Variants in LRP4 observed in about 807,000 individuals in gnomAD.
LRP4 encodes low-density lipoprotein receptor-related protein 4.
LRP4 carries 95 observed loss-of-function variants against 220.3 expected under a neutral mutation model. The observed-to-expected ratio is 0.43, with a 90% CI of 0.37 to 0.51. The LOEUF (loss-of-function observed/expected upper bound fraction) is 0.51. LRP4 is among the 20% of genes least tolerant of loss of function. The pLI, the probability that LRP4 is intolerant of heterozygous loss-of-function variation, is 0.00. For missense variants in LRP4, 1,925 were observed against 2,567.0 expected (o/e 0.75, Z 5.40); for synonymous variants, 903 against 954.6 (o/e 0.95, Z 1.00).
intron 19 of LRP4, 28 bp from the exon 20 acceptor site, chr11:46,881,931 T>G: frequency 6.2e-7 from 1 of 1,611,546 alleles, no homozygotes; most frequent in Non-Finnish European, 8.5e-7. Flanking sequence ...AAGGCAGGTC[T>G]TACAAGCTAG....
At chr11:46,863,198 CTG>C (rs1297082360) in intron 36 of LRP4, among the ~76,000 whole-genome samples, 2 of 152,170 alleles carry the variant, frequency 1.3e-5, no homozygotes, top group African/African-American at 2.4e-5. Flanking sequence ...TGAGATGAGA[CTG>C]TAACCCCAGC....
intron 1 of LRP4, among the ~76,000 whole-genome samples, chr11:46,912,117 G>C (rs987759524): frequency 1.3e-5 from 2 of 152,164 alleles, no homozygotes; most frequent in African/African-American, 4.8e-5. Context: ...GCCTCCCAAA[G>C]TGCTGGGATT....
intron 13 of LRP4, among the ~76,000 whole-genome samples, chr11:46,891,478 T>TAC (rs111770885): frequency 1.3e-5 from 2 of 148,786 alleles, no homozygotes; most frequent in Admixed American, 1.3e-4. Flanking sequence ...CACACACACA[T>TAC]ACACACACAC....
At chr11:46,871,854 T>C (rs1940874485) in intron 30 of LRP4, among the ~76,000 whole-genome samples, 1 of 152,016 alleles carries the variant, frequency 6.6e-6, no homozygotes, top group Non-Finnish European at 1.5e-5. Context: ...GCATAGAAAG[T>C]CTAGTGACCT....
chr11:46,884,341 C>T (rs1160059295), intron 18 of LRP4, among the ~76,000 whole-genome samples: 3 of 152,112 alleles, frequency 2.0e-5, no homozygotes, highest in African/African-American at 2.4e-5. Flanking sequence ...TGGTGGCTCA[C>T]GCCTGTAATC....
chr11:46,889,391 G>A lies in LRP4; in HGVS notation c.2215+20C>T. ...CCTCACAACAGCCTCCATGGAGGCT[G>A]GTGTTGCAGACCCACTTACTCTGGG... On this transcript the variant is annotated intron_variant, in intron 16 of 37. Coordinates refer to ENST00000378623, the MANE Select transcript of LRP4 (RefSeq NM_002334.4). The A allele has an allele frequency of 6.2e-7, 1 of 1,613,596 alleles. No individual in the cohort carries two copies. Among genetic ancestry groups the A allele is most frequent in the Non-Finnish European group, 8.5e-7 (1 of 1,179,994 alleles).
In LRP4 at chr11:46,868,100, G is replaced by C; in HGVS notation, c.4966C>G (p.Pro1656Ala). Residue 1656 changes from proline to alanine, a missense_variant, in exon 34 of 38, where the codon CCA (proline) becomes GCA (alanine). Pro to Ala is a conservative substitution (Grantham distance 27). Coordinates refer to ENST00000378623, the MANE Select transcript of LRP4 (RefSeq NM_002334.4). ...ATGCCAGTAGCCCTAGGAGCTGGTGGTACCAGGCCAGGCACTAGACAAAAA... is the reference window on the plus strand; with the variant it reads ...ATGCCAGTAGCCCTAGGAGCTGGTGCTACCAGGCCAGGCACTAGACAAAAA... ...RPCSLVPGLV[P>A]PAPRATGMSE... The C allele has an allele frequency of 6.2e-7, 1 of 1,614,110 alleles. No individual in the cohort carries two copies. The highest frequency in any genetic ancestry group is 8.5e-7 in the Non-Finnish European group (1 of 1,180,028).
chr11:46,899,143 G>C lies in LRP4; in HGVS notation c.548-111C>G, dbSNP rs1941610956. On this transcript the variant is annotated intron_variant, in intron 5 of 37. Transcript: ENST00000378623. This position sits in a 1 kb window ranked among gnomAD's most constrained non-coding sequence, Gnocchi z 5.9. ...CTCAGGCAGGAGAGCTTCTTCAAGTGAGATGTAACCAGGTTTCATCTGGGA... is the reference window on the plus strand; with the variant it reads ...CTCAGGCAGGAGAGCTTCTTCAAGTCAGATGTAACCAGGTTTCATCTGGGA... The C allele has an allele frequency of 9.1e-7, 1 of 1,101,890 alleles. No homozygotes were observed. Among genetic ancestry groups the C allele is most frequent in the African/African-American group, 1.5e-5 (1 of 65,120 alleles). 68.3% of individuals were successfully genotyped at this position (1,101,890 alleles called of 1,614,324 possible). A position where few individuals can be genotyped will look rare whatever the true frequency, so the allele number is the denominator to read the frequency against.
rs773515672 is a variant in LRP4 at position 46,894,595 on chromosome 11, T to A, written c.1534A>T (p.Ser512Cys). 9 of 1,603,822 alleles carry A rather than the reference T, an allele frequency of 5.6e-6. No individual in the cohort carries two copies. Among genetic ancestry groups the A allele is most frequent in the Non-Finnish European group, 7.7e-6 (9 of 1,174,898 alleles). The change falls in exon 12 of 38, where the codon AGC (serine) becomes TGC (cysteine). Residue 512 changes from serine to cysteine, a missense_variant. Coordinates refer to ENST00000378623, the MANE Select transcript of LRP4 (RefSeq NM_002334.4). ...VEEVVSTGLE[S>C]PGGLAVDWVH... is the part of the protein sequence containing the mutation. ...ATGGGGCCTTGTTCCCTACCTGGGC[T>A]CTCCAGCCCAGTAGACACAACCTCC...
rs760083959 is a variant in LRP4, at chr11:46,875,121, A to G, written c.3926-18T>C. ...GTTAAAACCTGGTGATGAGAAGCAC[A>G]AGTATTCACACCTAGCCTGGAACAT... On this transcript the variant is annotated intron_variant, in intron 27 of 37. Transcript: ENST00000378623. The surrounding 1 kb of genome is among the most constrained non-coding windows in gnomAD (Gnocchi z 4.5). 6.2e-7 allele frequency: 1 copy of G among 1,608,924 alleles called. No homozygotes were observed. Among genetic ancestry groups the G allele is most frequent in the East Asian group, 2.2e-5 (1 of 44,890 alleles).
chr11:46,894,591 G>A lies in LRP4; in HGVS notation c.1538C>T (p.Pro513Leu). The A allele has an allele frequency of 6.2e-7, 1 of 1,601,108 alleles. No individual in the cohort carries two copies. Among genetic ancestry groups the A allele is most frequent in the Non-Finnish European group, 8.5e-7 (1 of 1,173,364 alleles). ...CTCCATGGGGCCTTGTTCCCTACCT[G>A]GGCTCTCCAGCCCAGTAGACACAAC... The part of the protein sequence containing the change: ...EEVVSTGLES[P>L]GGLAVDWVHD... Residue 513 changes from proline (P) to leucine (L), a missense_variant and splice_region_variant, in exon 12 of 38, where the codon CCA becomes CTA. Physicochemically the swap from Pro to Leu is moderately conservative, Grantham distance 98 (BLOSUM62 -3). Around this residue, in one of 3 missense-constraint regions of LRP4, gnomAD observed 269 missense variants for 436.7 expected, o/e 0.62. Coordinates refer to ENST00000378623, the MANE Select transcript of LRP4 (RefSeq NM_002334.4).
chr11:46,883,873 G>A lies in LRP4; in HGVS notation c.2610C>T (p.Gly870=), dbSNP rs751431064. 2.0e-5 allele frequency: 32 copies of A among 1,613,050 alleles called. No individual in the cohort carries two copies. Among genetic ancestry groups the A allele is most frequent in the African/African-American group, 4.0e-5 (3 of 74,904 alleles). ...RPRDIVVEPM[G]GYMYWTDWGA... is the part of the protein sequence containing the mutation. ...ATTCCCAAGGGGCAGCCACTCACCCGCCCATGGGTTCCACCACGATGTCCC... is the reference window on the plus strand; with the variant it reads ...ATTCCCAAGGGGCAGCCACTCACCCACCCATGGGTTCCACCACGATGTCCC... The change falls in exon 19 of 38, where the codon GGC becomes GGT. Residue 870 remains glycine, a splice_region_variant and synonymous_variant. Transcript: ENST00000378623.
At position 46,869,003 on chromosome 11, in the gene LRP4, G is replaced by A. The variant is rs778034069; in HGVS notation, c.4822C>T (p.Pro1608Ser). Reference protein sequence around the residue: ...EGLMDIIVVSPQRQTGTNACG... With the variant: ...EGLMDIIVVSSQRQTGTNACG... ...GGGAGCCCACCTGTCTGCCGCTGAGGGGAAACCACGATGATATCCATGAGT... is the reference window on the plus strand; with the variant it reads ...GGGAGCCCACCTGTCTGCCGCTGAGAGGAAACCACGATGATATCCATGAGT... Residue 1608 changes from proline to serine, a missense_variant, in exon 32 of 38, where the codon CCT (proline) becomes TCT (serine). By Grantham distance (74) the Pro-to-Ser change is moderately conservative. Transcript: ENST00000378623. 1.2e-6 allele frequency: 2 copies of A among 1,614,116 alleles called. No homozygotes were observed. The highest frequency in any genetic ancestry group is 1.7e-6 in the Non-Finnish European group (2 of 1,180,028).
At chr11:46,874,110 T>C (rs4752945) in intron 28 of LRP4, 168,679 of 169,216 alleles carry the variant, frequency 1, 84,073 homozygotes, top group Middle Eastern at 1. Context: ...CAGACCCTAA[T>C]TGTGCACTTT....
Position 46,893,125 on chromosome 11 carries a change from G to A in LRP4, c.1545C>T (p.Gly515=), listed in dbSNP as rs773212025. The A allele has an allele frequency of 6.2e-7, 1 of 1,614,130 alleles. No individual in the cohort carries two copies. The highest frequency in any genetic ancestry group is 1.1e-5 in the South Asian group (1 of 91,084). The change falls in exon 13 of 38, where the codon GGC becomes GGT. Residue 515 remains glycine (G), a synonymous_variant. Transcript: ENST00000378623. The part of the protein sequence containing the change: ...VVSTGLESPG[G]LAVDWVHDKL... ...TGTCATGGACCCAATCCACAGCCAG[G>A]CCCCCTGGTGAGAAGCAGCAGCAAA...
At position 46,875,573 on chromosome 11, in the gene LRP4, A is replaced by T. The variant is rs762130726; in HGVS notation, c.3808T>A (p.Trp1270Arg). 6.2e-7 allele frequency: 1 copy of T among 1,614,082 alleles called. No individual in the cohort carries two copies. Among genetic ancestry groups the T allele is most frequent in the Admixed American group, 1.7e-5 (1 of 60,014 alleles). ...GCACGGTGGATGCTCCGAGTCTGCC[A>T]GTCAGTCCAGTAGATATAGGAGTCG... ...LLDSYIYWTD[W>R]QTRSIHRADK... The change falls in exon 27 of 38, where the codon TGG (tryptophan) becomes AGG (arginine). Residue 1270 changes from tryptophan (W) to arginine (R), a missense_variant. By Grantham distance (101) the Trp-to-Arg change is moderately radical. This residue lies in a region of LRP4 where 1,244 missense variants were observed against 1,624.9 expected (regional missense o/e 0.77). Coordinates refer to ENST00000378623, the MANE Select transcript of LRP4 (RefSeq NM_002334.4). The surrounding 1 kb of genome is among the most constrained non-coding windows in gnomAD (Gnocchi z 4.5).
At chr11:46,914,824 A>C (rs935728923) in intron 1 of LRP4, among the ~76,000 whole-genome samples, 2 of 151,516 alleles carry the variant, frequency 1.3e-5, no homozygotes, top group African/African-American at 4.9e-5. Context: ...TTCTGTTCCT[A>C]TTCAGGAACC....
In LRP4 at chr11:46,899,352, T is replaced by A; in HGVS notation, c.547+35A>T. ...CAATGGGCAGAACTGTCTGCCCTCATCCAACCCAACAGCCTGAGGTCTGGG... is the reference window on the plus strand; with the variant it reads ...CAATGGGCAGAACTGTCTGCCCTCAACCAACCCAACAGCCTGAGGTCTGGG... On this transcript the variant is annotated intron_variant, in intron 5 of 37. Transcript: ENST00000378623. This position sits in a 1 kb window ranked among gnomAD's most constrained non-coding sequence, Gnocchi z 5.9. The A allele has an allele frequency of 4.6e-6, 7 of 1,529,690 alleles. No individual in the cohort carries two copies. The highest frequency in any genetic ancestry group is 6.3e-6 in the Non-Finnish European group (7 of 1,103,128). 94.8% of individuals were successfully genotyped at this position (1,529,690 alleles called of 1,614,324 possible). A position where few individuals can be genotyped will look rare whatever the true frequency, so the allele number is the denominator to read the frequency against.
rs763130302 is a variant in LRP4 at position 46,875,701 on chromosome 11, TG to T, written c.3700-21del. 17 of 1,610,436 alleles carry T rather than the reference TG, an allele frequency of 1.1e-5. No individual in the cohort carries two copies. The South Asian group carries it at 1.6e-4, about 16-fold the overall frequency. ...AATTCGCTGCAGAGGAAGGAGAGGG[TG>T]GGGGGTGGTGATCAGCAGATTGGGA... On this transcript the variant is annotated intron_variant, in intron 26 of 37. Transcript: ENST00000378623. This position sits in a 1 kb window ranked among gnomAD's most constrained non-coding sequence, Gnocchi z 4.5.
Sources: gnomAD v4.1 joint callset for allele counts (sites outside exome capture counted in the v4.1 genomes callset) on GRCh38, gnomAD v4.1.1 for gene constraint, gnomAD v4.1.1 regional missense constraint, Gnocchi (gnomAD v3.1) non-coding constraint, MANE v1.5 for transcripts, NCBI Gene and HGNC (gene_info 2026-07-23, HGNC 2026-07-21) for gene names.